Variants in ACYP2 observed in about 807,000 individuals in gnomAD.
The protein encoded by ACYP2 is acylphosphatase-2.
In ACYP2, 12 loss-of-function variants were observed where a neutral mutation model predicts 11.2. That is an observed-to-expected ratio of 1.08 (90% CI 0.69 to 1.74). ACYP2 has a LOEUF of 1.74. Ranked by LOEUF, ACYP2 falls within the 40% of genes most tolerant of loss-of-function variation. The probability of loss-of-function intolerance (pLI) is 0.00; values close to 1 mark genes in which losing one functional copy is unlikely to be tolerated. For synonymous variants in ACYP2, 43 were observed against 32.2 expected, an observed-to-expected ratio of 1.33 and a Z score of -1.13; for missense variants, 134 against 101.9, an observed-to-expected ratio of 1.31 and a Z score of -1.35.
intron 6 of ACYP2, among the ~76,000 whole-genome samples, chr2:54,193,854 T>A (rs1054701992): frequency 6.6e-6 from 1 of 152,158 alleles, no homozygotes; most frequent in African/African-American, 2.4e-5. Context: ...ATTGGCATAA[T>A]GAGTTGGGAA....
In ACYP2 at chr2:54,304,934, T is replaced by C; in HGVS notation, c.*132T>C. 2 of 435,256 alleles carry C rather than the reference T, an allele frequency of 4.6e-6. No homozygotes were observed. The highest frequency in any genetic ancestry group is 3.4e-5 in the East Asian group (1 of 29,518). The allele number at this position is 435,256 out of a possible 1,614,324, so 27.0% of individuals were successfully genotyped here. ...CTGAAAGCTAAGCGACTGTACGTGC[T>C]ACTAAAAATGTCTGACACTGAAATA... is the stretch of plus-strand genomic sequence containing the variant. On this transcript the variant is annotated 3_prime_UTR_variant, in exon 7 of 7. Coordinates refer to ENST00000607452, the MANE Select transcript of ACYP2 (RefSeq NM_001320586.2).
At chr2:54,165,905 A>G (rs1682948398) in intron 6 of ACYP2, among the ~76,000 whole-genome samples, 1 of 152,218 alleles carries the variant, frequency 6.6e-6, no homozygotes, top group Non-Finnish European at 1.5e-5. Context: ...AAAGTCCTAG[A>G]AACCCATGTA....
intron 6 of ACYP2, among the ~76,000 whole-genome samples, chr2:54,187,064 G>A (rs1684040204): frequency 1.3e-5 from 2 of 151,968 alleles, no homozygotes; most frequent in South Asian, 4.2e-4. Context: ...AGCTAGCCTT[G>A]CCTCTAATTT....
At chr2:54,024,356 A>T (rs1674163525) in intron 2 of ACYP2, among the ~76,000 whole-genome samples, 1 of 152,124 alleles carries the variant, frequency 6.6e-6, no homozygotes, top group Non-Finnish European at 1.5e-5. Flanking sequence ...ACAGATCAAG[A>T]CTCTGTCACA....
intron 6 of ACYP2, among the ~76,000 whole-genome samples, chr2:54,192,810 A>G (rs1419609866): frequency 1.3e-5 from 2 of 152,150 alleles, no homozygotes; most frequent in African/African-American, 4.8e-5. Flanking sequence ...GCACCCCTTC[A>G]CAGGGCAGCA....
chr2:54,241,756 T>C (rs910338749), intron 6 of ACYP2, among the ~76,000 whole-genome samples: 3 of 152,240 alleles, frequency 2.0e-5, no homozygotes, highest in Non-Finnish European at 4.4e-5. Context: ...CTCACGCCTG[T>C]AATCCCAGCA....
intron 6 of ACYP2, among the ~76,000 whole-genome samples, chr2:54,289,776 G>A (rs1689223598): frequency 6.6e-6 from 1 of 151,746 alleles, no homozygotes; most frequent in Non-Finnish European, 1.5e-5. Context: ...AAAAATCCTG[G>A]GAGGTTCAAA....
chr2:54,122,806 A>G (rs750165874), intron 4 of ACYP2, among the ~76,000 whole-genome samples: 5 of 152,192 alleles, frequency 3.3e-5, no homozygotes, highest in Non-Finnish European at 7.4e-5. Flanking sequence ...TCCTTGGCTC[A>G]CCTTCCTCCC....
intron 6 of ACYP2, chr2:54,267,210 T>C (rs1334225809): frequency 6.9e-7 from 1 of 1,440,466 alleles, no homozygotes; most frequent in South Asian, 1.4e-5. Context: ...TTTAGGGGCC[T>C]ATAAAAGTGC....
intron 6 of ACYP2, among the ~76,000 whole-genome samples, chr2:54,206,290 T>A (rs1037412557): frequency 6.6e-6 from 1 of 152,226 alleles, no homozygotes; most frequent in African/African-American, 2.4e-5. Flanking sequence ...TCATAATGAA[T>A]GACATTGTGC....
intron 4 of ACYP2, among the ~76,000 whole-genome samples, chr2:54,093,153 G>A (rs1367459933): frequency 6.6e-6 from 1 of 152,082 alleles, no homozygotes; most frequent in African/African-American, 2.4e-5. Context: ...GTTTCCCAGG[G>A]AACCTAACCT....
chr2:54,298,593 T>A (rs1181477788), intron 6 of ACYP2, among the ~76,000 whole-genome samples: 2 of 152,144 alleles, frequency 1.3e-5, no homozygotes, highest in African/African-American at 4.8e-5. Context: ...AGAGAAATGG[T>A]CCAGTTAACA....
In ACYP2 at chr2:54,250,112, C is replaced by T. The variant is rs113431944; in HGVS notation, c.405-54576C>T. ...AGTTTAATGCTAAATGTGAGGATAT[C>T]ACCTACCTTTTCCATCCTCATCTAT... is the stretch of plus-strand genomic sequence containing the variant. On this transcript the variant is annotated intron_variant, in intron 6 of 6. Coordinates refer to ENST00000607452, the MANE Select transcript of ACYP2 (RefSeq NM_001320586.2). Among the ~76,000 whole-genome samples, 377 of 152,204 alleles carry T rather than the reference C, an allele frequency of 2.5e-3. 2 individuals are homozygous for T. Among genetic ancestry groups the T allele is most frequent in the Non-Finnish European group, 4.5e-3 (304 of 68,012 alleles).
intron 6 of ACYP2, among the ~76,000 whole-genome samples, chr2:54,144,341 A>G (rs952651677): frequency 6.6e-6 from 1 of 151,748 alleles, no homozygotes; most frequent in Non-Finnish European, 1.5e-5. Flanking sequence ...AAATTATCCA[A>G]TTTTTCTAGG....
intron 6 of ACYP2, among the ~76,000 whole-genome samples, chr2:54,299,456 G>C (rs1348811222): frequency 6.6e-6 from 1 of 151,996 alleles, no homozygotes; most frequent in Non-Finnish European, 1.5e-5. Context: ...GCTGGGCATG[G>C]TGGCGCATGC....
intron 4 of ACYP2, among the ~76,000 whole-genome samples, chr2:54,064,852 G>A (rs563679570): frequency 2.1e-4 from 32 of 152,260 alleles, no homozygotes; most frequent in African/African-American, 7.0e-4. Flanking sequence ...TTGGGAGGCC[G>A]AAGCGGGCGG....
intron 4 of ACYP2, chr2:54,123,216 C>T (rs28544104): frequency 0.026 from 10,109 of 396,210 alleles, 749 homozygotes; most frequent in African/African-American, 0.17. Context: ...AAGGAATTTC[C>T]GCTAGAGAGA....
At chr2:54,298,616 C>T (rs528874917) in intron 6 of ACYP2, among the ~76,000 whole-genome samples, 2 of 152,304 alleles carry the variant, frequency 1.3e-5, no homozygotes, top group East Asian at 3.9e-4. Context: ...GTGGAAATCC[C>T]TCAAGGCTCA....
intron 6 of ACYP2, among the ~76,000 whole-genome samples, chr2:54,173,800 T>G (rs985028721): frequency 2.0e-5 from 3 of 152,224 alleles, no homozygotes; most frequent in African/African-American, 7.2e-5. Flanking sequence ...TAGAGAATCC[T>G]TTCCCCATTG....
Sources: gnomAD v4.1 joint callset for allele counts (sites outside exome capture counted in the v4.1 genomes callset) on GRCh38, gnomAD v4.1.1 for gene constraint, MANE v1.5 for transcripts, NCBI Gene and HGNC (gene_info 2026-07-23, HGNC 2026-07-21) for gene names.